Variants in SAFB observed in about 807,000 individuals in gnomAD.
The protein encoded by SAFB is scaffold attachment factor B1.
In SAFB, 15 loss-of-function variants were observed where a neutral mutation model predicts 101.6. The observed-to-expected ratio is 0.15, with a 90% CI of 0.10 to 0.23. The LOEUF (loss-of-function observed/expected upper bound fraction) is 0.23. Ranked by LOEUF, SAFB falls within the 10% of genes least tolerant of loss-of-function variation. SAFB has a pLI of 1.00. For synonymous variants in SAFB, 449 were observed against 407.5 expected (o/e 1.10, Z -1.23); for missense variants, 930 against 1,104.1 (o/e 0.84, Z 2.23).
Position 5,661,729 on chromosome 19 carries a change from G to C in SAFB, c.2074G>C (p.Glu692Gln), listed in dbSNP as rs2054209785. 2.5e-6 allele frequency: 4 copies of C among 1,593,602 alleles called. No homozygotes were observed. The highest frequency in any genetic ancestry group is 3.4e-6 in the Non-Finnish European group (4 of 1,172,320). Residue 692 changes from glutamate to glutamine, a missense_variant, in exon 15 of 21, where the codon GAG becomes CAG. Glu to Gln is a conservative substitution (Grantham distance 29). This residue lies in a region of SAFB where 159 missense variants were observed against 234.1 expected (regional missense o/e 0.68). Coordinates refer to ENST00000588852, the MANE Select transcript of SAFB (RefSeq NM_001201338.2). ...GCAGGAGCGCATCCACCGTGAGCGC[G>C]AGGAGCTGAGGCGCCAGCAGGAACT... The part of the protein sequence containing the change: ...REQERIHRER[E>Q]ELRRQQELRY...
rs1392249849 is a variant in SAFB at position 5,623,166 on chromosome 19, G to T, written c.-40G>T. On this transcript the variant is annotated 5_prime_UTR_variant, in exon 1 of 21. Transcript: ENST00000588852. ...GCTAGGAGCCTGATAAAACCGGCCC[G>T]GTTCTGTGGAAAGTGGGCGGCGGAG... 3 of 1,547,852 alleles carry T rather than the reference G, an allele frequency of 1.9e-6. No individual in the cohort carries two copies. Among genetic ancestry groups the T allele is most frequent in the Admixed American group, 2.0e-5 (1 of 50,826 alleles).
chr19:5,657,193 C>A, intron 13 of SAFB, 48 bp from the exon 14 acceptor site: 1 of 1,427,228 alleles, frequency 7.0e-7, no homozygotes. Flanking sequence ...GCATAAGCCT[C>A]CGTGCCTGGC....
chr19:5,668,074 C>A, intron 20 of SAFB, 88 bp from the exon 21 acceptor site: 2 of 1,533,364 alleles, frequency 1.3e-6, no homozygotes, highest in South Asian at 1.2e-5. Context: ...GCCCTGCCTG[C>A]AGGCAACACT....
At chr19:5,646,734 A>G (rs2053835505) in intron 5 of SAFB, among the ~76,000 whole-genome samples, 1 of 152,190 alleles carries the variant, frequency 6.6e-6, no homozygotes, top group Non-Finnish European at 1.5e-5. Context: ...AGTCACACCT[A>G]CTTATTGGGT....
chr19:5,658,490 C>G (rs1005085086), intron 14 of SAFB, among the ~76,000 whole-genome samples: 7 of 152,078 alleles, frequency 4.6e-5, no homozygotes, highest in Admixed American at 2.6e-4. Flanking sequence ...GTCAGGAGTT[C>G]GAGACCAGCC....
intron 2 of SAFB, among the ~76,000 whole-genome samples, chr19:5,631,153 G>A (rs1315593029): frequency 6.6e-6 from 1 of 152,158 alleles, no homozygotes; most frequent in Admixed American, 6.5e-5. Context: ...TCATGCTGCT[G>A]CACTCCAGCC....
At chr19:5,641,150 G>A (rs2053703684) in intron 2 of SAFB, among the ~76,000 whole-genome samples, 1 of 152,306 alleles carries the variant, frequency 6.6e-6, no homozygotes, top group African/African-American at 2.4e-5. Flanking sequence ...GATTACAGGC[G>A]TAAGCCATCG....
intron 17 of SAFB, chr19:5,666,515 G>A (rs757692320): frequency 3.6e-5 from 6 of 164,848 alleles, no homozygotes; most frequent in East Asian, 3.7e-4. Flanking sequence ...AGAAACTTCC[G>A]AGAAACTTGA....
intron 17 of SAFB, chr19:5,666,142 G>A (rs1295076396): frequency 6.6e-6 from 1 of 152,210 alleles, no homozygotes; most frequent in Non-Finnish European, 1.5e-5. Context: ...AAACCCCAGA[G>A]ACCACATATG....
At position 5,654,075 on chromosome 19, in the gene SAFB, A is replaced by G; in HGVS notation, c.1541A>G (p.Lys514Arg). The G allele has an allele frequency of 6.2e-7, 1 of 1,614,140 alleles. No homozygotes were observed. Among genetic ancestry groups the G allele is most frequent in the Non-Finnish European group, 8.5e-7 (1 of 1,180,012 alleles). ...SSNSDRSTNL[K>R]RDDKCDRKDD... Reference sequence around the variant, plus strand: ...GTTTTTTATAGATCTACAAACCTTAAGAGGGATGATAAATGTGACAGAAAA... The same window carrying G: ...GTTTTTTATAGATCTACAAACCTTAGGAGGGATGATAAATGTGACAGAAAA... Residue 514 changes from lysine to arginine, a missense_variant, in exon 12 of 21, where the codon AAG (lysine) becomes AGG (arginine). By Grantham distance (26) the Lys-to-Arg change is conservative. This residue lies in a region of SAFB where 92 missense variants were observed against 83.8 expected (regional missense o/e 1.10). Transcript: ENST00000588852.
chr19:5,636,960 C>T (rs574556522), intron 2 of SAFB, among the ~76,000 whole-genome samples: 1 of 151,782 alleles, frequency 6.6e-6, no homozygotes, highest in African/African-American at 2.4e-5. Context: ...CCACCCACCT[C>T]GGCCTCCCAA....
intron 2 of SAFB, among the ~76,000 whole-genome samples, chr19:5,628,043 G>T (rs770280957): frequency 3.9e-5 from 6 of 152,130 alleles, no homozygotes; most frequent in Non-Finnish European, 8.8e-5. Context: ...CTGAGGTCAG[G>T]AGTTCGAGAC....
intron 2 of SAFB, among the ~76,000 whole-genome samples, chr19:5,639,174 G>A (rs1472347285): frequency 2.0e-5 from 3 of 152,132 alleles, no homozygotes; most frequent in African/African-American, 7.2e-5. Flanking sequence ...AATTGGTCGG[G>A]GGCAAGTACT....
rs754159539 is a variant in SAFB, at chr19:5,668,284, G to A, written c.2747G>A (p.Arg916His). ...CCCAGCGATGCCCGCTTCACTCGCC[G>A]CTACTGAGTACTTGGAATCCTGTGT... is the stretch of plus-strand genomic sequence containing the variant. Reference protein sequence around the residue: ...SRPSDARFTRRY With the variant: ...SRPSDARFTRHY Residue 916 changes from arginine to histidine, a missense_variant, in exon 21 of 21, where the codon CGC (arginine) becomes CAC (histidine). Arg to His is a conservative substitution (Grantham distance 29, BLOSUM62 0). Transcript: ENST00000588852. 4.3e-6 allele frequency: 7 copies of A among 1,611,552 alleles called. No homozygotes were observed. The highest frequency in any genetic ancestry group is 3.4e-5 in the Admixed American group (2 of 59,500).
chr19:5,636,355 A>G (rs569155529), intron 2 of SAFB, among the ~76,000 whole-genome samples: 19 of 152,206 alleles, frequency 1.2e-4, no homozygotes, highest in African/African-American at 2.2e-4. Flanking sequence ...TTCTGTGGCA[A>G]TGCTCTGGTA....
intron 2 of SAFB, among the ~76,000 whole-genome samples, chr19:5,628,849 A>T (rs2053425764): frequency 6.6e-6 from 1 of 152,244 alleles, no homozygotes; most frequent in African/African-American, 2.4e-5. Flanking sequence ...TAATAAAAGC[A>T]AAAAACAGAG....
chr19:5,667,531 G>T lies in SAFB; in HGVS notation c.2557+81G>T. On this transcript the variant is annotated intron_variant, in intron 19 of 20. Transcript: ENST00000588852. This position sits in a 1 kb window ranked among gnomAD's most constrained non-coding sequence, Gnocchi z 4.0. ...GAGGCCGCGCCTTCTCTCCTTGGGG[G>T]AGCACAGGAGGTGCTCTGCTCTCAG... 6 of 988,802 alleles carry T rather than the reference G, an allele frequency of 6.1e-6. No individual in the cohort carries two copies. Among genetic ancestry groups the T allele is most frequent in the Non-Finnish European group, 7.6e-6 (5 of 662,046 alleles). The allele number at this position is 988,802 out of a possible 1,614,324, so 61.3% of individuals were successfully genotyped here. A position where few individuals can be genotyped will look rare whatever the true frequency, so the allele number is the denominator to read the frequency against.
At chr19:5,655,356 G>C (rs1320041422) in intron 13 of SAFB, among the ~76,000 whole-genome samples, 5 of 151,474 alleles carry the variant, frequency 3.3e-5, no homozygotes, top group African/African-American at 4.9e-5. Context: ...TACTCAAAAG[G>C]CTGAGGTGGG....
chr19:5,646,124 A>C (rs2053823117), intron 5 of SAFB, among the ~76,000 whole-genome samples: 1 of 152,102 alleles, frequency 6.6e-6, no homozygotes. Flanking sequence ...TCTTAGGAGA[A>C]CTTTTTGTGG....
Sources: gnomAD v4.1 joint callset for allele counts (sites outside exome capture counted in the v4.1 genomes callset) on GRCh38, gnomAD v4.1.1 for gene constraint, gnomAD v4.1.1 regional missense constraint, Gnocchi (gnomAD v3.1) non-coding constraint, MANE v1.5 for transcripts, NCBI Gene and HGNC (gene_info 2026-07-23, HGNC 2026-07-21) for gene names.